The following MYBPC3 variants were observed in gnomAD, a reference collection of about 807,000 sequenced individuals.
The protein encoded by MYBPC3 is myosin-binding protein C, cardiac-type.
A neutral mutation model predicts 159.3 loss-of-function variants in MYBPC3; 108 were observed. The ratio of observed to expected loss-of-function variants is 0.68; its 90% confidence interval spans 0.58 to 0.80. The LOEUF is 0.80. Among genes scored for constraint, MYBPC3 ranks in the 30% least tolerant of loss-of-function variants. The pLI is 0.00. For synonymous variants in MYBPC3, 730 were observed against 702.0 expected, an observed-to-expected ratio of 1.04 and a Z score of -0.63; for missense variants, 1,631 against 1,762.1, an observed-to-expected ratio of 0.93 and a Z score of 1.33.
At chr11:47,331,792 A>G in intron 34 of MYBPC3, 53 bp downstream of exon 34, 1 of 1,540,066 alleles carries the variant, frequency 6.5e-7, no homozygotes, top group Non-Finnish European at 8.8e-7. Context: ...CCCCAGGACC[A>G]AGGGCCAGGG....
intron 29 of MYBPC3, 25 bp downstream of exon 29, chr11:47,333,532 G>A (rs2095879346): frequency 6.3e-7 from 1 of 1,598,932 alleles, no homozygotes; most frequent in South Asian, 1.1e-5. Context: ...AAACAAGGGG[G>A]CTCAAGGAGG....
chr11:47,339,905 T>C (rs2095886660), intron 20 of MYBPC3, 115 bp from the exon 21 acceptor site: 4 of 1,181,460 alleles, frequency 3.4e-6, no homozygotes, highest in Middle Eastern at 2.8e-4. Flanking sequence ...TAGATTTGTA[T>C]TGAGGTATAG....
chr11:47,331,830 T>C lies in MYBPC3; in HGVS notation c.*26+15A>G, dbSNP rs1382374949. 1 of 1,598,170 alleles carries C rather than the reference T, an allele frequency of 6.3e-7. No homozygotes were observed. Among genetic ancestry groups the C allele is most frequent in the East Asian group, 2.3e-5 (1 of 44,300 alleles). On this transcript the variant is annotated intron_variant, in intron 34 of 34. Coordinates refer to ENST00000545968, the MANE Select transcript of MYBPC3 (RefSeq NM_000256.3). The stretch of plus-strand genomic sequence containing the variant: ...CAGCCACTGACTTGTGCCCTGGGTG[T>C]CGGGTGGTACATACCTGGCCATCCC...
Position 47,338,110 on chromosome 11 carries a change from C to T in MYBPC3, c.2309-316G>A, listed in dbSNP as rs2095884507. ...CCTGTCCTGGCTCTGATCCTCCCAA[C>T]CCCACCCAGTCCTCTCCTGACATGT... On this transcript the variant is annotated intron_variant, in intron 23 of 34. Transcript: ENST00000545968. The surrounding 1 kb of genome is among the most constrained non-coding windows in gnomAD (Gnocchi z 4.7). Among the ~76,000 whole-genome samples the T allele has an allele frequency of 6.6e-6, 1 of 152,012 alleles. No homozygotes were observed. The highest frequency in any genetic ancestry group is 1.5e-5 in the Non-Finnish European group (1 of 67,992).
At position 47,346,131 on chromosome 11, in the gene MYBPC3, A is replaced by G. The variant is rs1045334343; in HGVS notation, c.1090+76T>C. ...TCCTCTCCCCTGTGGGGAAGGGCTAACCTATGCCCTCTCCTCTCCTGTGTA... is the reference window on the plus strand; with the variant it reads ...TCCTCTCCCCTGTGGGGAAGGGCTAGCCTATGCCCTCTCCTCTCCTGTGTA... On this transcript the variant is annotated intron_variant, in intron 12 of 34. Transcript: ENST00000545968. The surrounding 1 kb of genome is among the most constrained non-coding windows in gnomAD (Gnocchi z 5.3). 29 of 1,580,864 alleles carry G rather than the reference A, an allele frequency of 1.8e-5. No homozygotes were observed. In the South Asian group the frequency reaches 2.0e-4, roughly 11 times the overall value.
At chr11:47,349,734 G>A (rs1282282878) in intron 5 of MYBPC3, 40 bp downstream of exon 5, 2 of 1,591,130 alleles carry the variant, frequency 1.3e-6, no homozygotes, top group African/African-American at 1.3e-5. Context: ...GGCTCTCCAT[G>A]TCCCCTCTCT....
Position 47,335,961 on chromosome 11 carries a change from T to G in MYBPC3, c.2653A>C (p.Thr885Pro). 1.3e-6 allele frequency: 2 copies of G among 1,564,690 alleles called. No homozygotes were observed. The highest frequency in any genetic ancestry group is 2.4e-5 in the South Asian group (2 of 83,478). Residue 885 changes from threonine to proline, a missense_variant, in exon 26 of 35, where the codon ACG becomes CCG. Thr to Pro is a conservative substitution (Grantham distance 38, BLOSUM62 -1). Transcript: ENST00000545968. ...HLAVEDVSDT[T>P]VSLKWRPPER... ...GGGGGCCGCCACTTGAGGGAGACCG[T>G]GGTGTCAGAGACGTCCTCTACTGCC...
Position 47,335,881 on chromosome 11 carries a change from C to T in MYBPC3, c.2733G>A (p.Glu911=), listed in dbSNP as rs1385242275. The change falls in exon 26 of 35, where the codon GAG becomes GAA. Residue 911 remains glutamate (E), a synonymous_variant. Transcript: ENST00000545968. ...GTTGGGGGCGGGGACACTCACAGCCCTCTGGGCAGTACTCCACGCTGTAGC... is the reference window on the plus strand; with the variant it reads ...GTTGGGGGCGGGGACACTCACAGCCTTCTGGGCAGTACTCCACGCTGTAGC... ...LDGYSVEYCP[E]GCSEWVAALQ... 1.3e-6 allele frequency: 2 copies of T among 1,515,086 alleles called. No individual in the cohort carries two copies. Among genetic ancestry groups the T allele is most frequent in the South Asian group, 2.5e-5 (2 of 79,926 alleles). The allele number at this position is 1,515,086 out of a possible 1,614,324, so 93.9% of individuals were successfully genotyped here. A position where few individuals can be genotyped will look rare whatever the true frequency, so the allele number is the denominator to read the frequency against.
At chr11:47,337,295 G>A in intron 25 of MYBPC3, 96 bp downstream of exon 25, 1 of 1,300,346 alleles carries the variant, frequency 7.7e-7, no homozygotes, top group Non-Finnish European at 1.0e-6. Context: ...CTGTGGATGT[G>A]AGTGTCTAGC....
intron 20 of MYBPC3, among the ~76,000 whole-genome samples, chr11:47,340,000 T>C (rs1302360253): frequency 1.3e-5 from 2 of 152,132 alleles, no homozygotes; most frequent in African/African-American, 4.8e-5. Context: ...TCTGGAACAT[T>C]CCCATCACCC....
At position 47,347,470 on chromosome 11, in the gene MYBPC3, A is replaced by C. The variant is rs2095895416; in HGVS notation, c.861T>G (p.His287Gln). The change falls in exon 9 of 35, where the codon CAT (histidine) becomes CAG (glutamine). Residue 287 changes from histidine (H) to glutamine (Q), a missense_variant. Physicochemically the swap from His to Gln is conservative, Grantham distance 24. Transcript: ENST00000545968. ...TGAAGTCCAGAATCCCAGTGTCCTCATGGCTATCACTATGGAGAGGGACCC... is the reference window on the plus strand; with the variant it reads ...TGAAGTCCAGAATCCCAGTGTCCTCCTGGCTATCACTATGGAGAGGGACCC... ...AGGGRRISDS[H>Q]EDTGILDFSS... 1 of 1,596,636 alleles carries C rather than the reference A, an allele frequency of 6.3e-7. No homozygotes were observed. Among genetic ancestry groups the C allele is most frequent in the South Asian group, 1.1e-5 (1 of 87,636 alleles).
At chr11:47,334,273 A>T (rs1454016243) in intron 27 of MYBPC3, among the ~76,000 whole-genome samples, 2 of 152,266 alleles carry the variant, frequency 1.3e-5, no homozygotes, top group Non-Finnish European at 2.9e-5. Context: ...CTAGTAAGTC[A>T]TAGACCAGGG....
intron 5 of MYBPC3, 78 bp from the exon 6 acceptor site, chr11:47,348,619 G>A: frequency 3.4e-6 from 4 of 1,164,520 alleles, no homozygotes; most frequent in Non-Finnish European, 4.8e-6. Flanking sequence ...AAGGAGACTG[G>A]GAGTGGCCGG....
At chr11:47,345,830 T>C (rs751637807) in intron 12 of MYBPC3, among the ~76,000 whole-genome samples, 8 of 152,208 alleles carry the variant, frequency 5.3e-5, no homozygotes, top group Non-Finnish European at 1.0e-4. Context: ...CCGGGCTTCA[T>C]TTCTTTTCAG....
In MYBPC3 at chr11:47,349,995, C is replaced by T; in HGVS notation, c.505+19G>A. On this transcript the variant is annotated intron_variant, in intron 4 of 34. Transcript: ENST00000545968. ...CCCCCCTTCCCACCCCAATGCTGGG[C>T]ACAGCAGCTCACACTCACCCACGGT... is the stretch of plus-strand genomic sequence containing the variant. The T allele has an allele frequency of 1.3e-6, 2 of 1,559,112 alleles. No homozygotes were observed. The highest frequency in any genetic ancestry group is 1.2e-5 in the South Asian group (1 of 84,568).
chr11:47,347,837 C>T lies in MYBPC3; in HGVS notation c.821+20G>A. The T allele has an allele frequency of 1.3e-6, 2 of 1,559,476 alleles. No homozygotes were observed. Among genetic ancestry groups the T allele is most frequent in the Middle Eastern group, 3.5e-4 (2 of 5,668 alleles). ...GACTCCAGCACTGGCCTCCCCCAGG[C>T]CCTGAGGATGGCCACTCACGTGCGG... On this transcript the variant is annotated intron_variant, in intron 7 of 34. Transcript: ENST00000545968.
chr11:47,347,863 C>A lies in MYBPC3; in HGVS notation c.815G>T (p.Arg272Leu). ...CCTGAGGATGGCCACTCACGTGCGG[C>A]GGAAGGCTGATAGGAGGTCCAGGTC... ...TGDLDLLSAF[R>L]RTSLAGGGRR... is the part of the protein sequence containing the mutation. The change falls in exon 7 of 35, where the codon CGC (arginine) becomes CTC (leucine). Residue 272 changes from arginine to leucine, a missense_variant. Coordinates refer to ENST00000545968, the MANE Select transcript of MYBPC3 (RefSeq NM_000256.3). 1 of 1,567,222 alleles carries A rather than the reference C, an allele frequency of 6.4e-7. No individual in the cohort carries two copies.
At chr11:47,333,087 C>A in intron 30 of MYBPC3, 107 bp downstream of exon 30, 1 of 1,521,958 alleles carries the variant, frequency 6.6e-7, no homozygotes, top group South Asian at 1.3e-5. Flanking sequence ...TTCAGATCAG[C>A]AGAGGGAGGG....
intron 26 of MYBPC3, chr11:47,335,506 T>C (rs552443357): frequency 7.0e-6 from 2 of 285,632 alleles, no homozygotes; most frequent in East Asian, 6.9e-5. Context: ...TTTGTATTTT[T>C]AGTAGAGACG....
Sources: gnomAD v4.1 joint callset for allele counts (sites outside exome capture counted in the v4.1 genomes callset) on GRCh38, gnomAD v4.1.1 for gene constraint, Gnocchi (gnomAD v3.1) non-coding constraint, MANE v1.5 for transcripts, NCBI Gene and HGNC (gene_info 2026-07-23, HGNC 2026-07-21) for gene names.